The following SYN3 variants were observed in gnomAD, a reference collection of about 807,000 sequenced individuals.
SYN3 encodes the protein synapsin-3.
Under a neutral mutation model 65.8 loss-of-function variants are expected in SYN3, and 35 were observed. That is an observed-to-expected ratio of 0.53 (90% CI 0.41 to 0.70). The LOEUF (loss-of-function observed/expected upper bound fraction) is 0.70, where lower values mean the gene tolerates loss of function less well. Ranked by LOEUF, SYN3 falls within the 30% of genes least tolerant of loss-of-function variation. SYN3 has a pLI of 0.00. For missense variants in SYN3, 680 were observed against 749.0 expected (o/e 0.91, Z 1.08); for synonymous variants, 270 against 292.9 (o/e 0.92, Z 0.80).
At chr22:33,005,149 C>A (rs2053163220) in intron 2 of SYN3, among the ~76,000 whole-genome samples, 2 of 152,180 alleles carry the variant, frequency 1.3e-5, no homozygotes, top group South Asian at 4.1e-4. Context: ...GTTGATTAAA[C>A]CTCTCTCCTT....
At chr22:32,547,896 T>C (rs2058357413) in intron 7 of SYN3, among the ~76,000 whole-genome samples, 1 of 152,182 alleles carries the variant, frequency 6.6e-6, no homozygotes, top group Non-Finnish European at 1.5e-5. Context: ...CCTGTTCTGG[T>C]GTATATCACA....
At chr22:32,673,010 C>T (rs2060392544) in intron 6 of SYN3, among the ~76,000 whole-genome samples, 1 of 152,162 alleles carries the variant, frequency 6.6e-6, no homozygotes, top group East Asian at 1.9e-4. Context: ...TGGAGGGCCC[C>T]AGATGGGGTT....
chr22:32,989,788 T>A (rs1223076886), intron 2 of SYN3, among the ~76,000 whole-genome samples: 1 of 130,122 alleles, frequency 7.7e-6, no homozygotes, highest in African/African-American at 2.9e-5. Context: ...TGAGCCAAGA[T>A]CAAGCCACTG....
intron 2 of SYN3, among the ~76,000 whole-genome samples, chr22:33,005,698 C>A (rs2053177561): frequency 2.6e-5 from 4 of 152,188 alleles, no homozygotes; most frequent in African/African-American, 9.6e-5. Flanking sequence ...TGGAGCCAGA[C>A]TGCCAGTACC....
chr22:32,764,393 C>T (rs73156473), intron 6 of SYN3, among the ~76,000 whole-genome samples: 14,876 of 152,256 alleles, frequency 0.098, 905 homozygotes, highest in Admixed American at 0.15. Context: ...CCCCCAACTT[C>T]ACCCTTTGTA....
chr22:33,045,387 T>C (rs73881944), intron 1 of SYN3, among the ~76,000 whole-genome samples: 13,023 of 151,856 alleles, frequency 0.086, 836 homozygotes, highest in East Asian at 0.27. Context: ...CATCTCCAGG[T>C]ATGTTACTAC....
intron 6 of SYN3, among the ~76,000 whole-genome samples, chr22:32,636,240 C>A (rs2710348): frequency 0.64 from 96,850 of 150,754 alleles, 32,741 homozygotes; most frequent in African/African-American, 0.85. Flanking sequence ...TCTCTACTAA[C>A]AACACAAAAA....
chr22:32,876,303 C>T (rs2048980176), intron 4 of SYN3, among the ~76,000 whole-genome samples: 1 of 152,120 alleles, frequency 6.6e-6, no homozygotes, highest in Admixed American at 6.5e-5. Flanking sequence ...CTCCTAATGG[C>T]CCCACCTCCT....
chr22:32,569,651 G>A (rs2058733217), intron 7 of SYN3, among the ~76,000 whole-genome samples: 1 of 150,034 alleles, frequency 6.7e-6, no homozygotes, highest in African/African-American at 2.5e-5. Context: ...TTAAAAATAC[G>A]AAATACTCCA....
At chr22:32,951,189 C>T (rs940311665) in intron 3 of SYN3, among the ~76,000 whole-genome samples, 1 of 152,154 alleles carries the variant, frequency 6.6e-6, no homozygotes, top group East Asian at 1.9e-4. Context: ...GATGCCTCCC[C>T]CCATCCCCCT....
chr22:32,792,192 A>T (rs1426327101), intron 6 of SYN3, among the ~76,000 whole-genome samples: 1 of 152,202 alleles, frequency 6.6e-6, no homozygotes, highest in Non-Finnish European at 1.5e-5. Context: ...GCTGAGGCTC[A>T]GAGAGAGGTT....
intron 3 of SYN3, among the ~76,000 whole-genome samples, chr22:32,940,766 A>C (rs2050913323): frequency 6.6e-6 from 1 of 152,226 alleles, no homozygotes; most frequent in African/African-American, 2.4e-5. Flanking sequence ...GTAGCTTTAC[A>C]GTGAGTCATG....
intron 6 of SYN3, among the ~76,000 whole-genome samples, chr22:32,704,112 A>T (rs1240871394): frequency 6.6e-6 from 1 of 152,176 alleles, no homozygotes; most frequent in African/African-American, 2.4e-5. Context: ...CAGGTTTGTT[A>T]TATAGGTATA....
rs1456126732 is a variant in SYN3 at position 32,518,118 on chromosome 22, G to T, written c.1535C>A (p.Pro512His). The change falls in exon 13 of 14, where the codon CCC (proline) becomes CAC (histidine). Residue 512 changes from proline (P) to histidine (H), a missense_variant. Transcript: ENST00000358763. ...PGATLASQPR[P>H]PVQGRSTSQQ... The stretch of plus-strand genomic sequence containing the variant: ...GGAGGTACTACGGCCCTGCACAGGG[G>T]GCCGGGGCTGTGAGGCGAGGGTGGC... The T allele has an allele frequency of 6.3e-7, 1 of 1,598,742 alleles. No individual in the cohort carries two copies. The highest frequency in any genetic ancestry group is 8.5e-7 in the Non-Finnish European group (1 of 1,172,330).
At chr22:32,715,057 C>T (rs1601965977) in intron 6 of SYN3, among the ~76,000 whole-genome samples, 1 of 152,268 alleles carries the variant, frequency 6.6e-6, no homozygotes, top group African/African-American at 2.4e-5. Context: ...TGATGAAATA[C>T]ATTAGGAAAA....
chr22:32,676,089 A>G (rs1332906855), intron 6 of SYN3, among the ~76,000 whole-genome samples: 2 of 152,232 alleles, frequency 1.3e-5, no homozygotes, highest in East Asian at 1.9e-4. Flanking sequence ...AAGGTATCTC[A>G]GATGATACTG....
chr22:33,004,350 G>C (rs917945679), intron 2 of SYN3, among the ~76,000 whole-genome samples: 2 of 152,244 alleles, frequency 1.3e-5, no homozygotes, highest in Admixed American at 1.3e-4. Flanking sequence ...GGGAGGGGAA[G>C]CTGTACCCTG....
intron 7 of SYN3, among the ~76,000 whole-genome samples, chr22:32,595,041 C>G (rs981905967): frequency 2.6e-5 from 4 of 152,156 alleles, no homozygotes; most frequent in African/African-American, 9.7e-5. Flanking sequence ...CCACATGTTC[C>G]CACTTGTTTC....
In SYN3 at chr22:32,785,207, G is replaced by A. The variant is rs149656904; in HGVS notation, c.711+79708C>T. ...GTCGGTGCAGCTCTTGTTGTGGAGG[G>A]TTATACAGAGACTCCATGGCTCCTA... On this transcript the variant is annotated intron_variant, in intron 6 of 13. Coordinates refer to ENST00000358763, the MANE Select transcript of SYN3 (RefSeq NM_003490.4). Among the ~76,000 whole-genome samples the A allele has an allele frequency of 3.3e-3, 496 of 152,242 alleles. 1 individual carries two copies. Among genetic ancestry groups the A allele is most frequent in the Non-Finnish European group, 5.6e-3 (379 of 68,010 alleles).
Sources: allele counts gnomAD v4.1 joint callset (sites outside exome capture counted in the v4.1 genomes callset), GRCh38; gene constraint gnomAD v4.1.1; transcripts MANE v1.5; gene names NCBI Gene and HGNC (gene_info 2026-07-23, HGNC 2026-07-21).